MLIP: variants seen among roughly 807,000 people sequenced by gnomAD.
MLIP encodes the protein muscular LMNA interacting protein, also known as muscular LMNA-interacting protein.
In MLIP, 79 loss-of-function variants were observed where a neutral mutation model predicts 84.8. That is an observed-to-expected ratio of 0.93 (90% CI 0.78 to 1.12). MLIP has a LOEUF of 1.12. Ranked by LOEUF, MLIP falls within the 50% of genes most tolerant of loss-of-function variation. The probability of loss-of-function intolerance (pLI) is 0.00; values close to 1 mark genes in which losing one functional copy is unlikely to be tolerated. For missense variants in MLIP, 1,257 were observed against 1,160.6 expected, an observed-to-expected ratio of 1.08 and a Z score of -1.21; for synonymous variants, 504 against 463.0, an observed-to-expected ratio of 1.09 and a Z score of -1.14.
chr6:54,096,772 T>G (rs1768244649), intron 1 of MLIP, among the ~76,000 whole-genome samples: 1 of 152,220 alleles, frequency 6.6e-6, no homozygotes, highest in African/African-American at 2.4e-5. Context: ...CTCCAGATAA[T>G]CCAACCTGCA....
chr6:54,023,386 G>C (rs1763619749), intron 1 of MLIP, among the ~76,000 whole-genome samples: 1 of 151,452 alleles, frequency 6.6e-6, no homozygotes, highest in African/African-American at 2.4e-5. Context: ...CTAATATAAG[G>C]AGCTGAACAA....
Position 54,111,549 on chromosome 6 carries a change from T to G in MLIP, c.70T>G (p.Ser24Ala). Residue 24 changes from serine to alanine, a missense_variant, in exon 1 of 14, where the codon TCA (serine) becomes GCA (alanine). By Grantham distance (99) the Ser-to-Ala change is moderately conservative (BLOSUM62 1). Coordinates refer to ENST00000502396, the MANE Select transcript of MLIP (RefSeq NM_001281747.2). The stretch of plus-strand genomic sequence containing the variant: ...CTTCCAAATGACCTCGTGCATCTTA[T>G]CAGGGAGCATTCAGACCACACCCCA... The part of the protein sequence containing the change: ...NYFQMTSCIL[S>A]GSIQTTPQVS... 3.3e-6 allele frequency: 5 copies of G among 1,536,052 alleles called. No individual in the cohort carries two copies. Among genetic ancestry groups the G allele is most frequent in the Non-Finnish European group, 4.4e-6 (5 of 1,146,862 alleles).
intron 1 of MLIP, among the ~76,000 whole-genome samples, chr6:54,025,755 C>CG (rs34811616): frequency 0.56 from 84,934 of 151,608 alleles, 25,761 homozygotes; most frequent in Middle Eastern, 0.69. Flanking sequence ...CCTAAGCTGC[C>CG]GGCTCATGTT....
At chr6:54,061,038 T>C (rs1392069658) in intron 1 of MLIP, among the ~76,000 whole-genome samples, 1 of 151,892 alleles carries the variant, frequency 6.6e-6, no homozygotes. Context: ...TTCACATATC[T>C]AGTCATAGTT....
At chr6:54,052,622 C>A (rs191323660) in intron 1 of MLIP, among the ~76,000 whole-genome samples, 1 of 151,986 alleles carries the variant, frequency 6.6e-6, no homozygotes, top group Admixed American at 6.6e-5. Context: ...CCTAACAATC[C>A]CTGAGTTATA....
At chr6:54,146,204 T>G (rs1772815509) in intron 4 of MLIP, among the ~76,000 whole-genome samples, 1 of 152,152 alleles carries the variant, frequency 6.6e-6, no homozygotes, top group African/African-American at 2.4e-5. Flanking sequence ...ATGAAGTAAT[T>G]CCAACCTCCT....
chr6:54,165,259 C>T (rs1775057074), intron 8 of MLIP, among the ~76,000 whole-genome samples: 1 of 151,860 alleles, frequency 6.6e-6, no homozygotes, highest in South Asian at 2.1e-4. Flanking sequence ...TCCTCTCCAC[C>T]CTGGTGACCC....
intron 2 of MLIP, among the ~76,000 whole-genome samples, chr6:54,121,958 T>C (rs895210338): frequency 4.6e-5 from 7 of 152,218 alleles, no homozygotes; most frequent in African/African-American, 1.4e-4. Context: ...TATTATTATT[T>C]ACAGGTAATG....
intron 13 of MLIP, chr6:54,261,592 G>T (rs1783397056): frequency 1.0e-6 from 1 of 985,122 alleles, no homozygotes; most frequent in Non-Finnish European, 1.2e-6. Flanking sequence ...TGCCACTTTG[G>T]TGGTATATAA....
chr6:54,214,962 G>T (rs961596883), intron 11 of MLIP, among the ~76,000 whole-genome samples: 1 of 152,278 alleles, frequency 6.6e-6, no homozygotes, highest in Admixed American at 6.5e-5. Context: ...GCCAGGCTCT[G>T]CAATAGGCCT....
chr6:54,227,954 C>G (rs531370264), intron 11 of MLIP, among the ~76,000 whole-genome samples: 17 of 151,954 alleles, frequency 1.1e-4, no homozygotes, highest in Non-Finnish European at 1.9e-4. Context: ...GAGGCCGAGG[C>G]GAGCGGATCA....
At position 54,137,409 on chromosome 6, in the gene MLIP, C is replaced by T. The variant is rs1771907828; in HGVS notation, c.1340C>T (p.Ser447Phe). 6.5e-7 allele frequency: 1 copy of T among 1,535,978 alleles called. No individual in the cohort carries two copies. The highest frequency in any genetic ancestry group is 1.4e-5 in the African/African-American group (1 of 72,980). ...PTFSLNSPAS[S>F]TLTLDQKEKQ... Reference sequence around the variant, plus strand: ...TTCTCTCTCAACTCCCCGGCCTCTTCCACGCTCACACTTGACCAAAAAGAA... The same window carrying T: ...TTCTCTCTCAACTCCCCGGCCTCTTTCACGCTCACACTTGACCAAAAAGAA... The change falls in exon 4 of 14, where the codon TCC (serine) becomes TTC (phenylalanine). Residue 447 changes from serine (S) to phenylalanine (F), a missense_variant. Physicochemically the swap from Ser to Phe is radical, Grantham distance 155. Transcript: ENST00000502396.
chr6:54,164,444 A>T (rs897024672), intron 8 of MLIP, among the ~76,000 whole-genome samples: 2 of 151,948 alleles, frequency 1.3e-5, no homozygotes, highest in Non-Finnish European at 2.9e-5. Flanking sequence ...TGAAGCTAAC[A>T]TAGCTTTTTC....
chr6:54,228,739 C>T (rs886517748), intron 11 of MLIP, among the ~76,000 whole-genome samples: 2 of 152,188 alleles, frequency 1.3e-5, no homozygotes, highest in Non-Finnish European at 2.9e-5. Context: ...TTGATTTTTA[C>T]ACCCTCCAAG....
chr6:54,197,574 C>T (rs1030906338), intron 10 of MLIP, among the ~76,000 whole-genome samples: 5 of 152,032 alleles, frequency 3.3e-5, no homozygotes, highest in Non-Finnish European at 1.5e-5. Flanking sequence ...AGAATCTTCT[C>T]ATTTTTTTTC....
chr6:54,088,525 G>A (rs770397327), intron 1 of MLIP, among the ~76,000 whole-genome samples: 3 of 152,054 alleles, frequency 2.0e-5, no homozygotes, highest in Non-Finnish European at 2.9e-5. Context: ...ATTACAGAGG[G>A]GTCAAAGAAC....
intron 13 of MLIP, among the ~76,000 whole-genome samples, 181 bp from the exon 14 acceptor site, chr6:54,265,768 TA>T (rs2150911668): frequency 6.6e-6 from 1 of 152,262 alleles, no homozygotes; most frequent in East Asian, 1.9e-4. Flanking sequence ...TTGTCTTTAT[TA>T]TGCCATTAAT....
chr6:54,219,613 G>A (rs995132942), intron 11 of MLIP, among the ~76,000 whole-genome samples: 1 of 152,142 alleles, frequency 6.6e-6, no homozygotes, highest in East Asian at 1.9e-4. Context: ...TTTATGGTTT[G>A]CAAAGCCTTC....
chr6:54,246,768 C>T (rs564065715), intron 12 of MLIP, among the ~76,000 whole-genome samples: 2 of 152,132 alleles, frequency 1.3e-5, no homozygotes, highest in African/African-American at 2.4e-5. Flanking sequence ...GGTCTGTATT[C>T]GTATTTATAT....
Sources: allele counts gnomAD v4.1 joint callset (sites outside exome capture counted in the v4.1 genomes callset), GRCh38; gene constraint gnomAD v4.1.1; transcripts MANE v1.5; gene names NCBI Gene and HGNC (gene_info 2026-07-23, HGNC 2026-07-21).